Variants in SLC38A11 observed in about 807,000 individuals in gnomAD.
The protein encoded by SLC38A11 is putative sodium-coupled neutral amino acid transporter 11.
A neutral mutation model predicts 49.4 loss-of-function variants in SLC38A11; 51 were observed. The observed-to-expected ratio is 1.03, with a 90% CI of 0.83 to 1.30. The LOEUF (loss-of-function observed/expected upper bound fraction) is 1.30. SLC38A11 is among the 50% of genes most tolerant of loss of function. The pLI is 0.00. For synonymous variants in SLC38A11, 203 were observed against 192.9 expected (o/e 1.05, Z -0.43); for missense variants, 574 against 556.2 (o/e 1.03, Z -0.32).
chr2:164,902,127 C>T (rs1355455489), intron 11 of SLC38A11, among the ~76,000 whole-genome samples: 1 of 150,372 alleles, frequency 6.7e-6, no homozygotes, highest in Non-Finnish European at 1.5e-5. Context: ...CTCCCAAGCT[C>T]AAGTGATCCT....
At chr2:164,948,285 T>A (rs1372347700) in intron 3 of SLC38A11, among the ~76,000 whole-genome samples, 1 of 152,212 alleles carries the variant, frequency 6.6e-6, no homozygotes, top group East Asian at 1.9e-4. Context: ...AAGTATTGTA[T>A]TTGGAGTCAG....
Position 164,939,538 on chromosome 2 carries a change from A to AG in SLC38A11, c.448_449insC (p.Phe150SerfsTer87). The AG allele has an allele frequency of 6.2e-7, 1 of 1,609,350 alleles. No homozygotes were observed. The highest frequency in any genetic ancestry group is 8.5e-7 in the Non-Finnish European group (1 of 1,176,926). ...TCCAATAATGAAGTGGCGACCAATAAACACGTTTTCAGGATCAACTAAAAC... is the reference window on the plus strand; with the variant it reads ...TCCAATAATGAAGTGGCGACCAATAAGACACGTTTTCAGGATCAACTAAAAC... On this transcript the variant is annotated frameshift_variant, in exon 6 of 12. Coordinates refer to ENST00000685975, the MANE Select transcript of SLC38A11 (RefSeq NM_001351537.2). LOFTEE classifies it high-confidence loss of function.
chr2:164,948,545 T>C (rs10205696), intron 3 of SLC38A11, among the ~76,000 whole-genome samples: 66,393 of 152,062 alleles, frequency 0.44, 14,936 homozygotes, highest in South Asian at 0.68. Context: ...TCAGAATCCA[T>C]GAGCTTAATT....
At chr2:164,911,196 T>C (rs1323333323) in intron 10 of SLC38A11, among the ~76,000 whole-genome samples, 2 of 152,084 alleles carry the variant, frequency 1.3e-5, no homozygotes, top group Non-Finnish European at 1.5e-5. Flanking sequence ...TTAGAATCTG[T>C]AGATTCTACA....
chr2:164,936,885 T>C (rs1471313738), intron 7 of SLC38A11, among the ~76,000 whole-genome samples: 1 of 152,172 alleles, frequency 6.6e-6, no homozygotes, highest in Non-Finnish European at 1.5e-5. Context: ...CTATCAGTTT[T>C]TATCCTTAGT....
chr2:164,954,815 G>T (rs1361595783), intron 1 of SLC38A11, 70 bp from the exon 2 acceptor site: 12 of 693,744 alleles, frequency 1.7e-5, no homozygotes, highest in Admixed American at 3.0e-5. Flanking sequence ...AATATGTAAT[G>T]CAGGATACTA....
chr2:164,923,061 T>G (rs903005186), intron 7 of SLC38A11, among the ~76,000 whole-genome samples: 3 of 152,172 alleles, frequency 2.0e-5, no homozygotes, highest in Non-Finnish European at 2.9e-5. Context: ...TTTTTCCATA[T>G]ACAAAAACTA....
At chr2:164,918,812 TA>T (rs1220373932) in intron 7 of SLC38A11, among the ~76,000 whole-genome samples, 1 of 152,108 alleles carries the variant, frequency 6.6e-6, no homozygotes, top group Non-Finnish European at 1.5e-5. Flanking sequence ...AATGACCAAT[TA>T]AAATGTTTTT....
intron 7 of SLC38A11, among the ~76,000 whole-genome samples, 179 bp from the exon 8 acceptor site, chr2:164,916,152 T>C (rs1292896049): frequency 2.6e-5 from 4 of 152,148 alleles, no homozygotes; most frequent in African/African-American, 4.8e-5. Context: ...GAGTGTTATC[T>C]CTTAACCCCA....
intron 7 of SLC38A11, among the ~76,000 whole-genome samples, chr2:164,918,486 T>G (rs1312486128): frequency 6.6e-6 from 1 of 152,146 alleles, no homozygotes; most frequent in African/African-American, 2.4e-5. Flanking sequence ...GAACTTCCTT[T>G]ACTGGATAAG....
chr2:164,939,765 T>C lies in SLC38A11; in HGVS notation c.431-209A>G, dbSNP rs554945525. Among the ~76,000 whole-genome samples, 7 of 152,172 alleles carry C rather than the reference T, an allele frequency of 4.6e-5. No individual in the cohort carries two copies. The East Asian group carries it at 1.3e-3, about 29-fold the overall frequency. ...CACAAAAAAATTTCAGGATGACTTA[T>C]ACTTGAAATGATGTTATAATATTTC... On this transcript the variant is annotated intron_variant, in intron 5 of 11. Transcript: ENST00000685975.
chr2:164,910,040 C>A (rs1685290799), intron 10 of SLC38A11, among the ~76,000 whole-genome samples: 1 of 151,902 alleles, frequency 6.6e-6, no homozygotes, highest in South Asian at 2.1e-4. Flanking sequence ...GGTAGACAGC[C>A]TTTTTAGTGC....
chr2:164,917,480 G>A (rs1225528176), intron 7 of SLC38A11, among the ~76,000 whole-genome samples: 1 of 152,124 alleles, frequency 6.6e-6, no homozygotes, highest in Admixed American at 6.6e-5. Flanking sequence ...TTGGGAGTGG[G>A]AACTACTGCC....
intron 9 of SLC38A11, chr2:164,911,995 G>T (rs767614598): frequency 1.7e-4 from 45 of 266,048 alleles, no homozygotes; most frequent in African/African-American, 7.2e-4. Flanking sequence ...GGAGCAATAA[G>T]CTATAGCATA....
chr2:164,954,882 G>T, intron 1 of SLC38A11, 137 bp from the exon 2 acceptor site: 1 of 558,690 alleles, frequency 1.8e-6, no homozygotes, highest in South Asian at 2.7e-5. Flanking sequence ...ATAAATGCCG[G>T]GATAACAGTA....
At chr2:164,915,382 A>T in intron 8 of SLC38A11, 109 bp from the exon 9 acceptor site, 1 of 917,316 alleles carries the variant, frequency 1.1e-6, no homozygotes, top group South Asian at 2.0e-5. Context: ...ACTGAAGTTT[A>T]AACATACAAC....
chr2:164,944,255 T>C (rs1687963570), intron 5 of SLC38A11, among the ~76,000 whole-genome samples: 1 of 152,190 alleles, frequency 6.6e-6, no homozygotes, highest in Admixed American at 6.5e-5. Context: ...AGAAATCACA[T>C]AGTTTAAATA....
chr2:164,906,026 A>G (rs1684979858), intron 11 of SLC38A11, among the ~76,000 whole-genome samples: 2 of 152,154 alleles, frequency 1.3e-5, no homozygotes, highest in Admixed American at 6.5e-5. Context: ...ACTTTACAGA[A>G]AGTAATGGCT....
intron 3 of SLC38A11, among the ~76,000 whole-genome samples, chr2:164,949,398 C>T (rs1290454210): frequency 1.3e-5 from 2 of 152,014 alleles, no homozygotes; most frequent in African/African-American, 4.8e-5. Flanking sequence ...GCTGAGACTA[C>T]AGACACAAGC....
Sources: allele counts gnomAD v4.1 joint callset (sites outside exome capture counted in the v4.1 genomes callset), GRCh38; gene constraint gnomAD v4.1.1; transcripts MANE v1.5; gene names NCBI Gene and HGNC (gene_info 2026-07-23, HGNC 2026-07-21).